DPF3: variants seen among roughly 807,000 people sequenced by gnomAD.
The protein encoded by DPF3 is zinc finger protein DPF3.
Under a neutral mutation model 56.8 loss-of-function variants are expected in DPF3, and 18 were observed. The observed-to-expected ratio is 0.32, with a 90% CI of 0.22 to 0.47. DPF3 has a LOEUF of 0.47. DPF3 is among the 20% of genes least tolerant of loss of function. DPF3 has a pLI of 1.00. For synonymous variants in DPF3, 188 were observed against 180.2 expected (o/e 1.04, Z -0.35); for missense variants, 403 against 488.8 (o/e 0.82, Z 1.65).
At position 72,680,334 on chromosome 14, in the gene DPF3, G is replaced by C. The variant is rs371856795; in HGVS notation, c.743-5966C>G. Among the ~76,000 whole-genome samples, 215 of 152,350 alleles carry C rather than the reference G, an allele frequency of 1.4e-3. 1 individual carries two copies. The highest frequency in any genetic ancestry group is 0.01 in the Middle Eastern group (3 of 294). On this transcript the variant is annotated intron_variant, in intron 7 of 10. Coordinates refer to ENST00000556509, the MANE Select transcript of DPF3 (RefSeq NM_001280542.3). ...AAGTGTGGGGCTTTCATTCAGGCTG[G>C]TTCTCCTTGGCCACTAATAGCAACT...
At chr14:72,625,408 T>C (rs1490717814) in intron 9 of DPF3, among the ~76,000 whole-genome samples, 2 of 152,182 alleles carry the variant, frequency 1.3e-5, no homozygotes, top group Non-Finnish European at 2.9e-5. Context: ...CTGTGTCCTC[T>C]AGACGCATGA....
chr14:72,858,193 A>G (rs1031735561), intron 1 of DPF3, among the ~76,000 whole-genome samples: 1 of 151,872 alleles, frequency 6.6e-6, no homozygotes, highest in Admixed American at 6.6e-5. Flanking sequence ...ATGTGGTCCC[A>G]TCTACTCAGG....
intron 8 of DPF3, among the ~76,000 whole-genome samples, chr14:72,654,580 C>T (rs28620548): frequency 0.39 from 59,885 of 151,998 alleles, 12,552 homozygotes; most frequent in East Asian, 0.69. Context: ...CAGCAATCAC[C>T]ACTGCCTTTG....
At chr14:72,851,002 G>C (rs950896125) in intron 1 of DPF3, among the ~76,000 whole-genome samples, 1 of 152,246 alleles carries the variant, frequency 6.6e-6, no homozygotes, top group African/African-American at 2.4e-5. Flanking sequence ...GGTTGCCATA[G>C]TGGAATGAAG....
chr14:72,804,261 G>A (rs1328742348), intron 1 of DPF3, among the ~76,000 whole-genome samples: 4 of 150,946 alleles, frequency 2.6e-5, no homozygotes, highest in Non-Finnish European at 5.9e-5. Context: ...TCCACACTGC[G>A]TGCCTCCTGC....
intron 1 of DPF3, among the ~76,000 whole-genome samples, chr14:72,807,377 C>T (rs1599459451): frequency 1.3e-5 from 2 of 152,208 alleles, no homozygotes; most frequent in South Asian, 4.1e-4. Context: ...GTGGCAGAGG[C>T]TCAATAAATA....
At chr14:72,623,037 C>T (rs1208264066) in intron 9 of DPF3, among the ~76,000 whole-genome samples, 1 of 152,176 alleles carries the variant, frequency 6.6e-6, no homozygotes, top group Non-Finnish European at 1.5e-5. Context: ...AGATTAATCT[C>T]TAAGATATTC....
At chr14:72,838,905 A>ATATATATATATAT in intron 1 of DPF3, among the ~76,000 whole-genome samples, 13 of 64,480 alleles carry the variant, frequency 2.0e-4, no homozygotes, top group Non-Finnish European at 2.5e-4. Flanking sequence ...TATCATATAT[A>ATATATATATATAT]TTCTTTTTTT....
chr14:72,630,829 G>A (rs937919634), intron 8 of DPF3, among the ~76,000 whole-genome samples: 1 of 152,170 alleles, frequency 6.6e-6, no homozygotes. Context: ...CCATTATATG[G>A]TGCCTTGTGT....
chr14:72,853,835 T>C (rs1198870673), intron 1 of DPF3, among the ~76,000 whole-genome samples: 1 of 152,148 alleles, frequency 6.6e-6, no homozygotes, highest in Non-Finnish European at 1.5e-5. Flanking sequence ...CATGTCACCA[T>C]CTACAATGTA....
rs899456976 is a variant in DPF3 at position 72,611,855 on chromosome 14, G to A, written c.*7442C>T. Among the ~76,000 whole-genome samples the A allele has an allele frequency of 6.6e-6, 1 of 152,018 alleles. No homozygotes were observed. Among genetic ancestry groups the A allele is most frequent in the African/African-American group, 2.4e-5 (1 of 41,402 alleles). On this transcript the variant is annotated 3_prime_UTR_variant, in exon 11 of 11. Transcript: ENST00000556509. ...CTCCACCTGCTTGTCTTCTACTGAG[G>A]AACACGCATCCTCAACAGAGAAACC...
At chr14:72,705,073 C>G (rs924438143) in intron 6 of DPF3, among the ~76,000 whole-genome samples, 1 of 152,170 alleles carries the variant, frequency 6.6e-6, no homozygotes, top group Non-Finnish European at 1.5e-5. Context: ...CCCAACCCCC[C>G]GGGCTATAGA....
chr14:72,736,474 C>T (rs1211008475), intron 3 of DPF3, among the ~76,000 whole-genome samples: 1 of 152,130 alleles, frequency 6.6e-6, no homozygotes, highest in Non-Finnish European at 1.5e-5. Flanking sequence ...TAATAGCTGC[C>T]GAGTGCCATT....
chr14:72,672,675 T>A (rs1271669888), intron 8 of DPF3, among the ~76,000 whole-genome samples: 1 of 152,058 alleles, frequency 6.6e-6, no homozygotes, highest in East Asian at 1.9e-4. Flanking sequence ...AAAAAACAAC[T>A]TCCCACTCCT....
At chr14:72,762,446 A>G (rs929869074) in intron 2 of DPF3, among the ~76,000 whole-genome samples, 6 of 151,856 alleles carry the variant, frequency 4.0e-5, no homozygotes, top group African/African-American at 1.2e-4. Flanking sequence ...AATTTAATCA[A>G]CCATTCCTAC....
chr14:72,695,115 T>C (rs1887849700), intron 6 of DPF3, among the ~76,000 whole-genome samples: 1 of 152,240 alleles, frequency 6.6e-6, no homozygotes, highest in East Asian at 1.9e-4. Flanking sequence ...TATGGTGATG[T>C]TGATTTCTAA....
At chr14:72,831,530 G>A (rs1884058985) in intron 1 of DPF3, among the ~76,000 whole-genome samples, 1 of 152,200 alleles carries the variant, frequency 6.6e-6, no homozygotes, top group African/African-American at 2.4e-5. Context: ...TGAGTACAAG[G>A]AGAGGGCTTC....
At position 72,670,912 on chromosome 14, in the gene DPF3, T is replaced by C. The variant is rs1886642799; in HGVS notation, c.871+3328A>G. ...CCATCTCTCGGAAGAACGCTCATTC[T>C]GCTGTTTTGTTTTGTTTCAGTAGTT... is the stretch of plus-strand genomic sequence containing the variant. On this transcript the variant is annotated intron_variant, in intron 8 of 10. Coordinates refer to ENST00000556509, the MANE Select transcript of DPF3 (RefSeq NM_001280542.3). 6 of 1,289,520 alleles carry C rather than the reference T, an allele frequency of 4.7e-6. No individual in the cohort carries two copies. In the South Asian group the frequency reaches 9.9e-5, roughly 21 times the overall value. The allele number at this position is 1,289,520 out of a possible 1,614,324, so 79.9% of individuals were successfully genotyped here. A position where few individuals can be genotyped will look rare whatever the true frequency, so the allele number is the denominator to read the frequency against.
chr14:72,810,987 C>T (rs1567240954), intron 1 of DPF3, among the ~76,000 whole-genome samples: 1 of 152,196 alleles, frequency 6.6e-6, no homozygotes, highest in Non-Finnish European at 1.5e-5. Flanking sequence ...AGAGCAACCA[C>T]GGTGCCGGCA....
Sources: gnomAD v4.1 joint callset for allele counts (sites outside exome capture counted in the v4.1 genomes callset) on GRCh38, gnomAD v4.1.1 for gene constraint, MANE v1.5 for transcripts, NCBI Gene and HGNC (gene_info 2026-07-23, HGNC 2026-07-21) for gene names.